ZNF292: variants seen among roughly 807,000 people sequenced by gnomAD.
The protein encoded by ZNF292 is zinc finger protein 292.
ZNF292 carries 26 observed loss-of-function variants against 217.9 expected under a neutral mutation model. The ratio of observed to expected loss-of-function variants is 0.12; its 90% CI spans 0.09 to 0.17. The LOEUF is 0.17. Among genes scored for constraint, ZNF292 ranks in the 10% least tolerant of loss-of-function variants. The pLI, the probability that ZNF292 is intolerant of heterozygous loss-of-function variation, is 1.00. For synonymous variants in ZNF292, 1,257 were observed against 1,124.1 expected, an observed-to-expected ratio of 1.12 and a Z score of -2.37; for missense variants, 2,904 against 3,175.2, an observed-to-expected ratio of 0.91 and a Z score of 2.05.
At chr6:87,189,169 C>T (rs975421296) in intron 1 of ZNF292, among the ~76,000 whole-genome samples, 2 of 151,946 alleles carry the variant, frequency 1.3e-5, no homozygotes, top group Admixed American at 6.5e-5. Context: ...CGCACCACTG[C>T]ACTTCAGCCT....
intron 6 of ZNF292, among the ~76,000 whole-genome samples, chr6:87,244,773 T>C (rs574919120): frequency 6.6e-6 from 1 of 152,106 alleles, no homozygotes; most frequent in Admixed American, 6.6e-5. Flanking sequence ...AATTTTAAAT[T>C]TGTTAGAAGA....
intron 4 of ZNF292, among the ~76,000 whole-genome samples, chr6:87,229,214 T>C (rs1218364869): frequency 6.6e-6 from 1 of 152,216 alleles, no homozygotes; most frequent in Non-Finnish European, 1.5e-5. Flanking sequence ...TTTTGAACTG[T>C]TCATTGTTAG....
rs562978348 is a variant in ZNF292, at chr6:87,158,281, G to A, written c.168+2522G>A. On this transcript the variant is annotated intron_variant, in intron 1 of 7. Coordinates refer to ENST00000369577, the MANE Select transcript of ZNF292 (RefSeq NM_015021.3). ...TACAGAGTGTGTCTGATTTCCTCTG[G>A]AACATTTTCTGGGGTGGGGTTTTTT... is the stretch of plus-strand genomic sequence containing the variant. 2.0e-5 allele frequency among the ~76,000 whole-genome samples: 3 copies of A among 152,206 alleles called. No homozygotes were observed. In the South Asian group the frequency reaches 6.2e-4, roughly 32 times the overall value.
chr6:87,235,583 CTG>C (rs1243674167), intron 5 of ZNF292, among the ~76,000 whole-genome samples: 1 of 151,218 alleles, frequency 6.6e-6, no homozygotes, highest in Non-Finnish European at 1.5e-5. Flanking sequence ...AAAAAAAAAT[CTG>C]TATTTCTAGC....
chr6:87,224,006 C>T (rs1197003977), intron 4 of ZNF292: 1 of 152,220 alleles, frequency 6.6e-6, no homozygotes, highest in Non-Finnish European at 1.5e-5. Context: ...TTATCTGTGA[C>T]CTCCCACTTC....
chr6:87,171,395 T>G lies in ZNF292; in HGVS notation c.168+15636T>G, dbSNP rs146217227. Among the ~76,000 whole-genome samples the G allele has an allele frequency of 9.8e-3, 1,446 of 147,578 alleles. 19 individuals are homozygous for G. Among genetic ancestry groups the G allele is most frequent in the African/African-American group, 0.034 (1,354 of 40,246 alleles). ...CTTCAGGGTTGTGGTTTTTTGTTGGTTTTTTTTTTGTTTGTTTTTTTAATC... is the reference window on the plus strand; with the variant it reads ...CTTCAGGGTTGTGGTTTTTTGTTGGGTTTTTTTTTGTTTGTTTTTTTAATC... On this transcript the variant is annotated intron_variant, in intron 1 of 7. Coordinates refer to ENST00000369577, the MANE Select transcript of ZNF292 (RefSeq NM_015021.3).
Position 87,256,261 on chromosome 6 carries a change from A to G in ZNF292, c.2632A>G (p.Ile878Val), listed in dbSNP as rs1256311307. The G allele has an allele frequency of 5.6e-6, 9 of 1,613,880 alleles. No individual in the cohort carries two copies. In the East Asian group the frequency reaches 2.0e-4, roughly 36 times the overall value. ...ERSMLPSENN[I>V]ENSLLADRSD... Reference sequence around the variant, plus strand: ...ATCTATGCTTCCTTCAGAAAATAACATTGAAAACAGCTTACTAGCAGATAG... The same window carrying G: ...ATCTATGCTTCCTTCAGAAAATAACGTTGAAAACAGCTTACTAGCAGATAG... Residue 878 changes from isoleucine (I) to valine (V), a missense_variant, in exon 8 of 8, where the codon ATT (isoleucine) becomes GTT (valine). Transcript: ENST00000369577.
intron 1 of ZNF292, among the ~76,000 whole-genome samples, chr6:87,186,615 A>T (rs1304006748): frequency 6.6e-6 from 1 of 152,194 alleles, no homozygotes; most frequent in Non-Finnish European, 1.5e-5. Flanking sequence ...GTAGTGGCTC[A>T]TGCCTGTAAT....
rs112192174 is a variant in ZNF292, at chr6:87,181,942, C to T, written c.168+26183C>T. On this transcript the variant is annotated intron_variant, in intron 1 of 7. Transcript: ENST00000369577. ...CAGGTGATCCGCCCATCTCGGCCTC[C>T]CAAAGTGCTGAGATTACAGGCGCCC... Among the ~76,000 whole-genome samples, 553 of 152,236 alleles carry T rather than the reference C, an allele frequency of 3.6e-3. 2 individuals are homozygous for T. The highest frequency in any genetic ancestry group is 0.013 in the African/African-American group (532 of 41,528).
chr6:87,207,778 C>T (rs887699445), intron 1 of ZNF292, among the ~76,000 whole-genome samples: 4 of 152,156 alleles, frequency 2.6e-5, no homozygotes, highest in African/African-American at 9.7e-5. Context: ...TATTCAAGCA[C>T]ATTAGGTTAT....
At chr6:87,228,698 T>C (rs1773495134) in intron 4 of ZNF292, among the ~76,000 whole-genome samples, 1 of 152,212 alleles carries the variant, frequency 6.6e-6, no homozygotes, top group African/African-American at 2.4e-5. Flanking sequence ...TCTTTCCCCA[T>C]TGAGTCACCT....
rs1775576335 is a variant in ZNF292, at chr6:87,261,231, T to G, written c.7602T>G (p.Asn2534Lys). 1 of 1,610,012 alleles carries G rather than the reference T, an allele frequency of 6.2e-7. No homozygotes were observed. The highest frequency in any genetic ancestry group is 1.3e-5 in the African/African-American group (1 of 74,366). ...RQKASNLKRV[N>K]KEKNVSQNKK... ...AAGCAAGTAATTTGAAGAGAGTTAA[T>G]AAGGAAAAAAATGTCTCACAAAATA... The change falls in exon 8 of 8, where the codon AAT becomes AAG. Residue 2534 changes from asparagine (N) to lysine (K), a missense_variant. This residue lies in a region of ZNF292 where 380 missense variants were observed against 355.3 expected (regional missense o/e 1.07). Coordinates refer to ENST00000369577, the MANE Select transcript of ZNF292 (RefSeq NM_015021.3).
intron 1 of ZNF292, among the ~76,000 whole-genome samples, chr6:87,172,335 G>A (rs186002656): frequency 2.0e-5 from 3 of 152,202 alleles, no homozygotes; most frequent in Non-Finnish European, 4.4e-5. Context: ...AATCAGAATG[G>A]TTGAGGCACA....
intron 4 of ZNF292, among the ~76,000 whole-genome samples, chr6:87,219,226 A>T: frequency 6.6e-6 from 1 of 152,174 alleles, no homozygotes; most frequent in East Asian, 1.9e-4. Context: ...GTAGATGGCT[A>T]AATTACTTAT....
At chr6:87,223,110 T>C (rs956939717) in intron 4 of ZNF292, 2 of 195,402 alleles carry the variant, frequency 1.0e-5, no homozygotes, top group African/African-American at 4.6e-5. Context: ...AAAGGGTCTC[T>C]CACTCCATCA....
At position 87,265,166 on chromosome 6, in the gene ZNF292, G is replaced by T. The variant is rs1472849446; in HGVS notation, c.*3365G>T. 6.6e-6 allele frequency among the ~76,000 whole-genome samples: 1 copy of T among 151,916 alleles called. No individual in the cohort carries two copies. The highest frequency in any genetic ancestry group is 1.5e-5 in the Non-Finnish European group (1 of 67,986). ...CTCGCTCTGTTGCCCAGGCTGGAGTGCAGTGTTGCACGATCTCGGCTTACT... is the reference window on the plus strand; with the variant it reads ...CTCGCTCTGTTGCCCAGGCTGGAGTTCAGTGTTGCACGATCTCGGCTTACT... On this transcript the variant is annotated 3_prime_UTR_variant, in exon 8 of 8. Transcript: ENST00000369577.
At chr6:87,204,102 T>C (rs992863953) in intron 1 of ZNF292, among the ~76,000 whole-genome samples, 1 of 152,124 alleles carries the variant, frequency 6.6e-6, no homozygotes, top group Non-Finnish European at 1.5e-5. Context: ...TAAAGCCAAA[T>C]TGAGGGATAT....
At chr6:87,162,386 C>G (rs932738641) in intron 1 of ZNF292, among the ~76,000 whole-genome samples, 3 of 152,154 alleles carry the variant, frequency 2.0e-5, no homozygotes, top group Non-Finnish European at 1.5e-5. Context: ...ATCTTTGAAA[C>G]TAAGCATTTT....
chr6:87,187,041 G>T (rs1330851958), intron 1 of ZNF292, among the ~76,000 whole-genome samples: 2 of 152,026 alleles, frequency 1.3e-5, no homozygotes, highest in Non-Finnish European at 2.9e-5. Flanking sequence ...GTCTTTTTTA[G>T]TTATTAATAT....
Sources: gnomAD v4.1 joint callset for allele counts (sites outside exome capture counted in the v4.1 genomes callset) on GRCh38, gnomAD v4.1.1 for gene constraint, gnomAD v4.1.1 regional missense constraint, MANE v1.5 for transcripts, NCBI Gene and HGNC (gene_info 2026-07-23, HGNC 2026-07-21) for gene names.